CAP2: variants seen among roughly 807,000 people sequenced by gnomAD.
The protein encoded by CAP2 is cyclase associated actin cytoskeleton regulatory protein 2.
Under a neutral mutation model 57.7 loss-of-function variants are expected in CAP2, and 24 were observed. The ratio of observed to expected loss-of-function variants is 0.42; its 90% CI spans 0.30 to 0.58. The LOEUF (loss-of-function observed/expected upper bound fraction) is 0.58, where lower values mean the gene tolerates loss of function less well. CAP2 is among the 20% of genes least tolerant of loss of function. CAP2 has a pLI of 0.22. For missense variants in CAP2, 501 were observed against 590.3 expected, an observed-to-expected ratio of 0.85 and a Z score of 1.57; for synonymous variants, 194 against 207.2, an observed-to-expected ratio of 0.94 and a Z score of 0.55.
intron 7 of CAP2, among the ~76,000 whole-genome samples, chr6:17,531,957 C>T (rs944815007): frequency 2.0e-5 from 3 of 152,002 alleles, no homozygotes; most frequent in East Asian, 1.9e-4. Context: ...AAAAACAGAA[C>T]GTATGCCTGT....
intron 2 of CAP2, among the ~76,000 whole-genome samples, chr6:17,425,398 C>T (rs1468653245): frequency 1.3e-5 from 2 of 152,190 alleles, no homozygotes; most frequent in Non-Finnish European, 2.9e-5. Context: ...TTCATTCCCA[C>T]TATGGTTGTC....
At chr6:17,414,785 G>A (rs1759235270) in intron 1 of CAP2, among the ~76,000 whole-genome samples, 1 of 152,278 alleles carries the variant, frequency 6.6e-6, no homozygotes, top group Admixed American at 6.5e-5. Context: ...TGGGATTGCT[G>A]GGTCAAATGG....
At chr6:17,436,068 T>TC (rs887216312) in intron 3 of CAP2, among the ~76,000 whole-genome samples, 1 of 110,122 alleles carries the variant, frequency 9.1e-6, no homozygotes, top group African/African-American at 3.3e-5. Context: ...AACTAAGGAA[T>TC]CTTTCTTTCT....
rs541918796 is a variant in CAP2, at chr6:17,436,614, G to A, written c.222+9924G>A. Among the ~76,000 whole-genome samples the A allele has an allele frequency of 5.7e-4, 87 of 152,216 alleles. 1 individual carries two copies. Among genetic ancestry groups the A allele is most frequent in the African/African-American group, 2.0e-3 (85 of 41,540 alleles). On this transcript the variant is annotated intron_variant, in intron 3 of 12. Coordinates refer to ENST00000229922, the MANE Select transcript of CAP2 (RefSeq NM_006366.3). ...ATCAGAACCTTCCGCAGAGAGACAC[G>A]GCCATGCAATGGAGACCAGCAGGAA...
chr6:17,523,025 T>C (rs1293022823), intron 7 of CAP2, among the ~76,000 whole-genome samples: 1 of 152,166 alleles, frequency 6.6e-6, no homozygotes, highest in Admixed American at 6.5e-5. Context: ...TGAGCCACCG[T>C]ACCCAGCCTG....
At chr6:17,468,470 C>T (rs1760931287) in intron 4 of CAP2, among the ~76,000 whole-genome samples, 1 of 152,192 alleles carries the variant, frequency 6.6e-6, no homozygotes, top group Non-Finnish European at 1.5e-5. Context: ...TGGTCATCAC[C>T]CACTGAACTG....
intron 7 of CAP2, among the ~76,000 whole-genome samples, chr6:17,529,651 A>AAAAATATATATATATAT (rs10656588): frequency 1.5e-5 from 2 of 134,538 alleles, no homozygotes; most frequent in African/African-American, 5.9e-5. Context: ...AAAAAAAAAA[A>AAAAATATATATATATAT]ATATATATAT....
intron 1 of CAP2, among the ~76,000 whole-genome samples, chr6:17,418,862 T>C (rs531333404): frequency 6.6e-6 from 1 of 152,322 alleles, no homozygotes; most frequent in South Asian, 2.1e-4. Context: ...AGGATTCAAT[T>C]ACATTTCTCT....
Position 17,393,631 on chromosome 6 carries a change from C to T in CAP2, c.-117C>T, listed in dbSNP as rs1758593092. On this transcript the variant is annotated 5_prime_UTR_variant, in exon 1 of 13. Transcript: ENST00000229922. ...GGAGCAGCGTGACTGACACCGGCTC[C>T]TATTCAGCTGGGAGGAGGGAGAGGG... The T allele has an allele frequency of 1.3e-5, 2 of 152,390 alleles. No homozygotes were observed. The highest frequency in any genetic ancestry group is 4.8e-5 in the African/African-American group (2 of 41,454). The allele number at this position is 152,390 out of a possible 1,614,324, so 9.4% of individuals were successfully genotyped here. A position where few individuals can be genotyped will look rare whatever the true frequency, so the allele number is the denominator to read the frequency against.
chr6:17,535,274 CTTTT>C (rs67286428), intron 7 of CAP2, among the ~76,000 whole-genome samples: 1 of 138,800 alleles, frequency 7.2e-6, no homozygotes, highest in Non-Finnish European at 1.6e-5. Context: ...TGGCTAATGA[CTTTT>C]TTTTTTTTTT....
In CAP2 at chr6:17,531,115, C is replaced by T. The variant is rs1020370350; in HGVS notation, c.637-8154C>T. Reference sequence around the variant, plus strand: ...ATGCCATATTTACCGAGAGATTGAGCCATCAAAGCCTCATCTGTCAAAGCA... The same window carrying T: ...ATGCCATATTTACCGAGAGATTGAGTCATCAAAGCCTCATCTGTCAAAGCA... On this transcript the variant is annotated intron_variant, in intron 7 of 12. Transcript: ENST00000229922. The T allele has an allele frequency of 2.0e-5, 15 of 760,174 alleles. No individual in the cohort carries two copies. In the African/African-American group the frequency reaches 2.0e-4, roughly 10 times the overall value. 47.1% of individuals were successfully genotyped at this position (760,174 alleles called of 1,614,324 possible).
intron 11 of CAP2, among the ~76,000 whole-genome samples, chr6:17,547,702 G>A (rs910343432): frequency 1.6e-4 from 24 of 152,072 alleles, no homozygotes; most frequent in African/African-American, 2.9e-4. Flanking sequence ...TAAACCAGGC[G>A]TGGTGGCGGG....
chr6:17,487,210 C>T (rs1234132849), intron 4 of CAP2, among the ~76,000 whole-genome samples: 2 of 152,182 alleles, frequency 1.3e-5, no homozygotes, highest in Non-Finnish European at 2.9e-5. Context: ...TCTCCTTCTC[C>T]CATCCCCCTT....
chr6:17,458,790 AAAG>A (rs1458292514), intron 3 of CAP2, among the ~76,000 whole-genome samples: 2 of 152,252 alleles, frequency 1.3e-5, no homozygotes, highest in Non-Finnish European at 2.9e-5. Context: ...GTGGAGCTAA[AAAG>A]AAGGAGATTA....
At chr6:17,500,613 G>A (rs570509453) in intron 4 of CAP2, among the ~76,000 whole-genome samples, 2 of 151,796 alleles carry the variant, frequency 1.3e-5, no homozygotes, top group East Asian at 1.9e-4. Context: ...CTGATTGGAA[G>A]GAGGTTTAAT....
chr6:17,474,273 C>T (rs1172535712), intron 4 of CAP2, among the ~76,000 whole-genome samples: 4 of 144,274 alleles, frequency 2.8e-5, no homozygotes, highest in Non-Finnish European at 6.0e-5. Flanking sequence ...GTGGCAAACA[C>T]CTCGAAAATG....
At chr6:17,453,267 A>G (rs1760463102) in intron 3 of CAP2, among the ~76,000 whole-genome samples, 1 of 150,410 alleles carries the variant, frequency 6.6e-6, no homozygotes, top group Non-Finnish European at 1.5e-5. Flanking sequence ...ATGGCATGGA[A>G]CACTACTGAT....
intron 6 of CAP2, among the ~76,000 whole-genome samples, chr6:17,512,206 A>G (rs1762173386): frequency 6.6e-6 from 1 of 152,084 alleles, no homozygotes; most frequent in African/African-American, 2.4e-5. Context: ...CCTGGGCAAC[A>G]TAGTGAGACC....
chr6:17,509,185 G>C lies in CAP2; in HGVS notation c.530+1459G>C, dbSNP rs75617274. 1.3e-3 allele frequency among the ~76,000 whole-genome samples: 200 copies of C among 151,818 alleles called. 1 individual carries two copies. The highest frequency in any genetic ancestry group is 4.7e-3 in the African/African-American group (193 of 41,344). ...CATAAAATACATAAATAAATACCTA[G>C]TATACTTCCAGGCCATTAATTAATA... On this transcript the variant is annotated intron_variant, in intron 6 of 12. Coordinates refer to ENST00000229922, the MANE Select transcript of CAP2 (RefSeq NM_006366.3).
Sources: allele counts gnomAD v4.1 joint callset (sites outside exome capture counted in the v4.1 genomes callset), GRCh38; gene constraint gnomAD v4.1.1; transcripts MANE v1.5; gene names NCBI Gene and HGNC (gene_info 2026-07-23, HGNC 2026-07-21).